Variants in USP39 observed in about 807,000 individuals in gnomAD.
USP39 encodes the protein ubiquitin carboxyl-terminal hydrolase 39.
In USP39, 38 loss-of-function variants were observed where a neutral mutation model predicts 66.4. That is an observed-to-expected ratio of 0.57 (90% CI 0.44 to 0.75). USP39 has a LOEUF of 0.75. Ranked by LOEUF, USP39 falls within the 30% of genes least tolerant of loss-of-function variation. The pLI, the probability that USP39 is intolerant of heterozygous loss-of-function variation, is 0.00. For synonymous variants in USP39, 303 were observed against 274.6 expected, an observed-to-expected ratio of 1.10 and a Z score of -1.02; for missense variants, 608 against 714.4, an observed-to-expected ratio of 0.85 and a Z score of 1.70.
upstream of USP39, chr2:85,608,813 A>G: frequency 4.0e-6 from 5 of 1,248,214 alleles, no homozygotes; most frequent in Admixed American, 2.1e-5. Context: ...GTCCTGCAAC[A>G]CCCTATGGAT....
Position 85,645,063 on chromosome 2 carries a change from C to T in USP39, c.1543C>T (p.Arg515Trp), listed in dbSNP as rs143344250. The part of the protein sequence containing the change: ...HDGKPSEGSY[R>W]IHVLHHGTGK... ...CGGCAAGCCCTCCGAGGGCTCCTAC[C>T]GGATCCACGTGCTTCATCATGTGAG... is the stretch of plus-strand genomic sequence containing the variant. The change falls in exon 11 of 13, where the codon CGG becomes TGG. Residue 515 changes from arginine (R) to tryptophan (W), a missense_variant. By Grantham distance (101) the Arg-to-Trp change is moderately radical. Transcript: ENST00000323701. 6.2e-6 allele frequency: 10 copies of T among 1,614,126 alleles called. No homozygotes were observed. The highest frequency in any genetic ancestry group is 1.7e-5 in the Admixed American group (1 of 60,016).
intron 1 of USP39, among the ~76,000 whole-genome samples, chr2:85,604,488 A>C (rs1266423790): frequency 2.0e-5 from 3 of 152,188 alleles, no homozygotes; most frequent in Non-Finnish European, 4.4e-5. Context: ...CTGGGATTAC[A>C]GATGTGAACC....
At chr2:85,612,741 A>G (rs1388511101), upstream of USP39, among the ~76,000 whole-genome samples, 1 of 151,064 alleles carries the variant, frequency 6.6e-6, no homozygotes, top group African/African-American at 2.4e-5. Context: ...GCTCACTGCA[A>G]CCTCCGCCTC....
intron 3 of USP39, among the ~76,000 whole-genome samples, chr2:85,623,162 A>G (rs1674591051): frequency 6.6e-6 from 1 of 152,158 alleles, no homozygotes; most frequent in Non-Finnish European, 1.5e-5. Context: ...CAACATGAAA[A>G]AAGTTACATA....
chr2:85,608,192 T>G (rs571715467), upstream of USP39: 1 of 152,300 alleles, frequency 6.6e-6, no homozygotes, highest in African/African-American at 2.4e-5. Flanking sequence ...CTTTTCAGTT[T>G]AGCACCAACA....
chr2:85,622,021 T>C (rs533854852), intron 3 of USP39, among the ~76,000 whole-genome samples: 71 of 152,020 alleles, frequency 4.7e-4, no homozygotes, highest in Non-Finnish European at 8.5e-4. Flanking sequence ...GGTTTCACCA[T>C]GTTGGCCAGG....
At chr2:85,624,410 A>T (rs1249366941) in intron 4 of USP39, among the ~76,000 whole-genome samples, 2 of 151,890 alleles carry the variant, frequency 1.3e-5, no homozygotes, top group Admixed American at 6.6e-5. Context: ...CAGTGGTGCC[A>T]TCACAGCTCA....
intron 5 of USP39, among the ~76,000 whole-genome samples, chr2:85,630,250 A>G (rs754716773): frequency 6.6e-6 from 1 of 152,122 alleles, no homozygotes. Flanking sequence ...ATTTTAAGAT[A>G]ATTTTCATAT....
At chr2:85,644,721 T>G (rs1195687253) in intron 10 of USP39, among the ~76,000 whole-genome samples, 2 of 151,900 alleles carry the variant, frequency 1.3e-5, no homozygotes, top group African/African-American at 4.8e-5. Context: ...CTGCCTGTCA[T>G]TCTTTTTTTT....
intron 4 of USP39, 117 bp from the exon 5 acceptor site, chr2:85,625,422 C>CTG: frequency 8.2e-6 from 11 of 1,345,556 alleles, no homozygotes; most frequent in Non-Finnish European, 1.1e-5. Flanking sequence ...GACTATTTTT[C>CTG]TGTGTGTGGT....
intron 1 of USP39, 73 bp from the exon 2 acceptor site, chr2:85,619,144 TTTC>T: frequency 1.3e-6 from 2 of 1,509,472 alleles, no homozygotes; most frequent in Non-Finnish European, 1.8e-6. Context: ...CCCATTTCTG[TTTC>T]TTTTTTTGTT....
upstream of USP39, chr2:85,608,767 T>C (rs1477875680): frequency 7.3e-6 from 2 of 272,464 alleles, no homozygotes; most frequent in East Asian, 1.5e-4. Flanking sequence ...TGGGTCAACA[T>C]ATAAGAAAGA....
upstream of USP39, chr2:85,608,807 T>G: frequency 8.5e-7 from 1 of 1,178,582 alleles, no homozygotes; most frequent in Non-Finnish European, 1.2e-6. Flanking sequence ...GGTGTAGTCC[T>G]GCAACACCCT....
At chr2:85,612,828 G>A (rs562051196), upstream of USP39, among the ~76,000 whole-genome samples, 2 of 151,644 alleles carry the variant, frequency 1.3e-5, no homozygotes, top group South Asian at 4.2e-4. Flanking sequence ...GCCCGGCTAA[G>A]TTTTGTATTT....
chr2:85,628,287 A>G (rs1232433957), intron 5 of USP39, among the ~76,000 whole-genome samples: 3 of 152,142 alleles, frequency 2.0e-5, no homozygotes, highest in Non-Finnish European at 4.4e-5. Context: ...CTGGGACTAC[A>G]GGTGCGTGCC....
chr2:85,632,916 G>T (rs1264490555), intron 6 of USP39, among the ~76,000 whole-genome samples: 6 of 152,056 alleles, frequency 3.9e-5, no homozygotes, highest in Non-Finnish European at 8.8e-5. Flanking sequence ...TTGGGATGGG[G>T]AGTAGGCATT....
chr2:85,607,841 C>T (rs966410216), upstream of USP39: 2 of 152,058 alleles, frequency 1.3e-5, no homozygotes, highest in South Asian at 2.1e-4. Flanking sequence ...GGAATTCAGA[C>T]GTAAGCCTAA....
At chr2:85,608,036 C>T (rs1011121767), upstream of USP39, 1 of 152,186 alleles carries the variant, frequency 6.6e-6, no homozygotes, top group Non-Finnish European at 1.5e-5. Flanking sequence ...ATGTTCAGAA[C>T]TGTTAAGTCA....
At position 85,625,541 on chromosome 2, in the gene USP39, T is replaced by C; in HGVS notation, c.573T>C (p.Tyr191=). The change falls in exon 5 of 13, where the codon TAT becomes TAC. Residue 191 remains tyrosine (Y), a splice_region_variant and synonymous_variant. Transcript: ENST00000323701. ...IIDSSLEDIT[Y]VLKPTFTKQQ... ...TAGCATTTTCTTTTGCTTTGCAGTA[T>C]GTGTTGAAGCCCACTTTCACAAAGC... 1 of 1,613,890 alleles carries C rather than the reference T, an allele frequency of 6.2e-7. No homozygotes were observed. The highest frequency in any genetic ancestry group is 8.5e-7 in the Non-Finnish European group (1 of 1,179,828).
Sources: allele counts gnomAD v4.1 joint callset (sites outside exome capture counted in the v4.1 genomes callset), GRCh38; gene constraint gnomAD v4.1.1; transcripts MANE v1.5; gene names NCBI Gene and HGNC (gene_info 2026-07-23, HGNC 2026-07-21).